Variants in DPP10 observed in about 807,000 individuals in gnomAD.
DPP10 encodes inactive dipeptidyl peptidase 10.
In DPP10, 33 loss-of-function variants were observed where a neutral mutation model predicts 120.9. The observed-to-expected ratio is 0.27, with a 90% CI of 0.21 to 0.37. DPP10 has a LOEUF of 0.37. DPP10 is among the 10% of genes least tolerant of loss of function. DPP10 has a pLI of 1.00. For synonymous variants in DPP10, 337 were observed against 326.1 expected (o/e 1.03, Z -0.36); for missense variants, 816 against 942.8 (o/e 0.87, Z 1.76).
chr2:114,556,868 T>A (rs1281410411), intron 1 of DPP10, among the ~76,000 whole-genome samples: 1 of 152,086 alleles, frequency 6.6e-6, no homozygotes, highest in Admixed American at 6.5e-5. Context: ...TGACAGAGAA[T>A]TAAACATTTT....
At chr2:115,478,779 A>G (rs537148140) in intron 3 of DPP10, among the ~76,000 whole-genome samples, 2 of 152,226 alleles carry the variant, frequency 1.3e-5, no homozygotes, top group Non-Finnish European at 2.9e-5. Context: ...ATATGCAAAT[A>G]TCCAATAATC....
intron 1 of DPP10, among the ~76,000 whole-genome samples, chr2:114,688,314 A>G (rs909779281): frequency 6.6e-6 from 1 of 152,012 alleles, no homozygotes; most frequent in African/African-American, 2.4e-5. Flanking sequence ...GAAAAAATCT[A>G]TAATGCAATT....
At chr2:115,599,068 T>C (rs181702570) in intron 5 of DPP10, among the ~76,000 whole-genome samples, 26 of 152,070 alleles carry the variant, frequency 1.7e-4, no homozygotes, top group Admixed American at 1.6e-3. Flanking sequence ...ATTACACCTC[T>C]AAAATCATAT....
At chr2:115,791,249 G>T in intron 18 of DPP10, 38 bp from the exon 19 acceptor site, 1 of 1,603,726 alleles carries the variant, frequency 6.2e-7, no homozygotes, top group South Asian at 1.1e-5. Context: ...ACCTGCAAAT[G>T]ACTCTCCATC....
intron 9 of DPP10, among the ~76,000 whole-genome samples, chr2:115,742,065 C>G (rs1677341700): frequency 6.6e-6 from 1 of 152,050 alleles, no homozygotes. Flanking sequence ...TAATGATAAA[C>G]TTTATGTTTT....
At chr2:114,555,863 G>A (rs979751938) in intron 1 of DPP10, among the ~76,000 whole-genome samples, 3 of 152,064 alleles carry the variant, frequency 2.0e-5, no homozygotes, top group African/African-American at 4.8e-5. Context: ...TTTGGATAAA[G>A]CACGTCCCAA....
chr2:114,993,578 G>GTATATATATA (rs1384073454), intron 1 of DPP10, among the ~76,000 whole-genome samples: 1,068 of 88,996 alleles, frequency 0.012, 13 homozygotes, highest in African/African-American at 0.028. Flanking sequence ...GTGTGTGTGT[G>GTATATATATA]TGTATATATA....
rs751160614 is a variant in DPP10 at position 115,781,005 on chromosome 2, TA to T, written c.1483+11del. 1.9e-6 allele frequency: 3 copies of T among 1,569,078 alleles called. No homozygotes were observed. The highest frequency in any genetic ancestry group is 4.5e-5 in the East Asian group (2 of 44,216). ...TTATTATTCTGTGAAGGTAAGATAA[TA>T]CATGAATTCTGATATAATATATTTT... On this transcript the variant is annotated intron_variant, in intron 16 of 25. Transcript: ENST00000410059.
At chr2:115,146,672 T>C (rs983434190) in intron 1 of DPP10, among the ~76,000 whole-genome samples, 52 of 152,016 alleles carry the variant, frequency 3.4e-4, no homozygotes, top group African/African-American at 1.1e-3. Flanking sequence ...CCAAAATTCA[T>C]ATTGATTCAG....
intron 1 of DPP10, among the ~76,000 whole-genome samples, chr2:114,548,589 C>T (rs1473192790): frequency 6.6e-6 from 1 of 152,202 alleles, no homozygotes; most frequent in Non-Finnish European, 1.5e-5. Context: ...CTGGGCCAAG[C>T]ATGGAAATCT....
In DPP10 at chr2:114,936,424, C is replaced by T. The variant is rs116558986; in HGVS notation, c.61-372815C>T. ...ATACACATATATACATATATATGTG[C>T]GTATATATACACATATATACGCACA... On this transcript the variant is annotated intron_variant, in intron 1 of 25. Transcript: ENST00000410059. 2.5e-3 allele frequency among the ~76,000 whole-genome samples: 371 copies of T among 149,364 alleles called. 1 individual carries two copies. Among genetic ancestry groups the T allele is most frequent in the African/African-American group, 8.3e-3 (337 of 40,514 alleles).
intron 3 of DPP10, among the ~76,000 whole-genome samples, chr2:115,402,124 C>T (rs998329109): frequency 4.6e-5 from 7 of 152,126 alleles, no homozygotes; most frequent in South Asian, 2.1e-4. Flanking sequence ...AATATTAAGA[C>T]TTCAGATGTT....
chr2:114,460,880 GAGTA>G (rs1678871314), intron 1 of DPP10, among the ~76,000 whole-genome samples: 1 of 152,190 alleles, frequency 6.6e-6, no homozygotes, highest in Non-Finnish European at 1.5e-5. Flanking sequence ...TCCTAACAGA[GAGTA>G]AGTAATTGTG....
chr2:115,390,625 A>T (rs2067255377), intron 3 of DPP10, among the ~76,000 whole-genome samples: 1 of 152,104 alleles, frequency 6.6e-6, no homozygotes, highest in African/African-American at 2.4e-5. Flanking sequence ...TTTAACGTTG[A>T]GAGAGAAATG....
chr2:114,444,747 A>G (rs1677846141), intron 1 of DPP10, among the ~76,000 whole-genome samples: 1 of 152,204 alleles, frequency 6.6e-6, no homozygotes, highest in African/African-American at 2.4e-5. Context: ...AGGAATCTTG[A>G]ATCAAAGCTC....
chr2:114,498,871 A>G (rs1682906901), intron 1 of DPP10, among the ~76,000 whole-genome samples: 1 of 152,254 alleles, frequency 6.6e-6, no homozygotes, highest in Admixed American at 6.5e-5. Flanking sequence ...GTAGCTATTC[A>G]CAATAGTCAA....
chr2:114,849,444 G>A (rs912385427), intron 1 of DPP10, among the ~76,000 whole-genome samples: 12 of 151,972 alleles, frequency 7.9e-5, no homozygotes, highest in African/African-American at 2.7e-4. Flanking sequence ...CAACCTCCTG[G>A]GCTCAAATGA....
chr2:115,592,963 G>A (rs1488599194), intron 5 of DPP10, among the ~76,000 whole-genome samples: 1 of 151,986 alleles, frequency 6.6e-6, no homozygotes, highest in African/African-American at 2.4e-5. Context: ...ATGTCTTTTG[G>A]TACCTACTTT....
In DPP10 at chr2:115,401,920, A is replaced by T. The variant is rs1389981799; in HGVS notation, c.271+58008A>T. 1.2e-4 allele frequency among the ~76,000 whole-genome samples: 18 copies of T among 152,246 alleles called. No homozygotes were observed. In the East Asian group the frequency reaches 2.9e-3, roughly 25 times the overall value. On this transcript the variant is annotated intron_variant, in intron 3 of 25. Coordinates refer to ENST00000410059, the MANE Select transcript of DPP10 (RefSeq NM_020868.6). ...AGAAAAAAAAAAATTCAAAACATCT[A>T]CTATAAATATTTTCAAAATATTGAA...
Sources: allele counts gnomAD v4.1 joint callset (sites outside exome capture counted in the v4.1 genomes callset), GRCh38; gene constraint gnomAD v4.1.1; transcripts MANE v1.5; gene names NCBI Gene and HGNC (gene_info 2026-07-23, HGNC 2026-07-21).